The following ASIC2 variants were observed in gnomAD, a reference collection of about 807,000 sequenced individuals.
ASIC2 encodes the protein acid-sensing ion channel 2.
In ASIC2, 25 loss-of-function variants were observed where a neutral mutation model predicts 57.3. The observed-to-expected ratio is 0.44, with a 90% CI of 0.32 to 0.61. The LOEUF is 0.61. ASIC2 is among the 20% of genes least tolerant of loss of function. The pLI, the probability that ASIC2 is intolerant of heterozygous loss-of-function variation, is 0.06. For missense variants in ASIC2, 641 were observed against 738.1 expected, an observed-to-expected ratio of 0.87 and a Z score of 1.52; for synonymous variants, 319 against 307.5, an observed-to-expected ratio of 1.04 and a Z score of -0.39.
At chr17:33,935,766 T>C (rs1916044882) in intron 1 of ASIC2, 1 of 152,270 alleles carries the variant, frequency 6.6e-6, no homozygotes, top group Non-Finnish European at 1.5e-5. Flanking sequence ...AAGCTTGTGC[T>C]GTGCGCTTTA....
chr17:33,323,753 CA>C (rs1052410011), intron 1 of ASIC2, among the ~76,000 whole-genome samples: 4 of 152,120 alleles, frequency 2.6e-5, no homozygotes, highest in Non-Finnish European at 4.4e-5. Context: ...AAACCAGACA[CA>C]AAAGTGTGTG....
At chr17:33,181,907 G>A (rs567915595) in intron 1 of ASIC2, among the ~76,000 whole-genome samples, 38 of 152,318 alleles carry the variant, frequency 2.5e-4, no homozygotes, top group African/African-American at 8.9e-4. Context: ...GAGTGAGGGA[G>A]TGTGTGGCAG....
intron 1 of ASIC2, among the ~76,000 whole-genome samples, chr17:33,857,280 A>T (rs1913985175): frequency 1.3e-5 from 2 of 152,226 alleles, no homozygotes. Context: ...AGTAGAATTA[A>T]AAGTCAGGGT....
chr17:33,879,805 G>A (rs317360), intron 1 of ASIC2, among the ~76,000 whole-genome samples: 41,523 of 152,018 alleles, frequency 0.27, 5,882 homozygotes, highest in Middle Eastern at 0.36. Context: ...AATATACATT[G>A]TTTTCAGCAC....
chr17:33,024,110 G>A, intron 5 of ASIC2, 96 bp from the exon 6 acceptor site: 3 of 1,510,048 alleles, frequency 2.0e-6, no homozygotes, highest in Non-Finnish European at 2.7e-6. Flanking sequence ...GAAATGAGCT[G>A]GGAAGGGGCA....
intron 1 of ASIC2, among the ~76,000 whole-genome samples, chr17:33,737,284 G>A (rs539648382): frequency 2.6e-5 from 4 of 152,334 alleles, no homozygotes; most frequent in South Asian, 2.1e-4. Flanking sequence ...TGTTTTCCAA[G>A]CCACAGCCTT....
At chr17:34,021,725 T>C (rs1003753714) in intron 1 of ASIC2, among the ~76,000 whole-genome samples, 6 of 152,240 alleles carry the variant, frequency 3.9e-5, no homozygotes, top group Admixed American at 1.3e-4. Flanking sequence ...TTAGGTCACA[T>C]AGGGACATCT....
chr17:33,892,896 C>T (rs391201), intron 1 of ASIC2, among the ~76,000 whole-genome samples: 152,247 of 152,248 alleles, frequency 1, 76,123 homozygotes, highest in Non-Finnish European at 1. Flanking sequence ...AGCCAGCTCC[C>T]GTTTGGGAGG....
At chr17:33,021,638 T>C (rs1239984975) in intron 6 of ASIC2, among the ~76,000 whole-genome samples, 1 of 152,182 alleles carries the variant, frequency 6.6e-6, no homozygotes, top group Non-Finnish European at 1.5e-5. Context: ...AACATGAAGG[T>C]GAGTTTCATT....
At chr17:33,043,726 C>T (rs2091938674) in intron 3 of ASIC2, among the ~76,000 whole-genome samples, 1 of 152,158 alleles carries the variant, frequency 6.6e-6, no homozygotes, top group Admixed American at 6.5e-5. Context: ...GACTTCCCCA[C>T]AAGAACAGTA....
intron 1 of ASIC2, among the ~76,000 whole-genome samples, chr17:33,579,128 T>C (rs948156654): frequency 5.3e-5 from 8 of 151,784 alleles, no homozygotes; most frequent in Middle Eastern, 3.2e-3. Flanking sequence ...CTACTAAAAA[T>C]ATAAAACAGT....
intron 1 of ASIC2, among the ~76,000 whole-genome samples, chr17:33,131,404 T>G (rs918956237): frequency 6.6e-6 from 1 of 152,154 alleles, no homozygotes; most frequent in African/African-American, 2.4e-5. Context: ...TGGAAAGCTG[T>G]GTGTTCATAT....
chr17:33,582,470 A>G (rs141741517), intron 1 of ASIC2, among the ~76,000 whole-genome samples: 20 of 152,204 alleles, frequency 1.3e-4, no homozygotes, highest in African/African-American at 4.6e-4. Context: ...CTGGAGTCTG[A>G]GGTCTAATCT....
chr17:34,015,600 A>G (rs1267189800), intron 1 of ASIC2, among the ~76,000 whole-genome samples: 1 of 152,246 alleles, frequency 6.6e-6, no homozygotes, highest in Non-Finnish European at 1.5e-5. Flanking sequence ...TTTTTACAAT[A>G]AGCCCTCATC....
At chr17:33,362,934 T>A (rs759609732) in intron 1 of ASIC2, among the ~76,000 whole-genome samples, 3 of 152,364 alleles carry the variant, frequency 2.0e-5, no homozygotes, top group Middle Eastern at 3.4e-3. Flanking sequence ...CACAAATAAA[T>A]GTTGTCCTAA....
In ASIC2 at chr17:34,030,519, G is replaced by A. The variant is rs114481770; in HGVS notation, c.555+125459C>T. Among the ~76,000 whole-genome samples the A allele has an allele frequency of 7.7e-3, 1,169 of 152,318 alleles. 19 individuals carry two copies. Among genetic ancestry groups the A allele is most frequent in the African/African-American group, 0.027 (1,106 of 41,558 alleles). The stretch of plus-strand genomic sequence containing the variant: ...GCCAGAGAGTAGGTGCAGGACAGTA[G>A]GTGCAGTGCACCGTGCGCGAGCTGA... On this transcript the variant is annotated intron_variant, in intron 1 of 9. Coordinates refer to the ASIC2 transcript ENST00000359872.
chr17:33,540,819 A>C (rs1427288939), intron 1 of ASIC2, among the ~76,000 whole-genome samples: 1 of 152,212 alleles, frequency 6.6e-6, no homozygotes, highest in African/African-American at 2.4e-5. Flanking sequence ...TGAATCTAAC[A>C]CATTTAGGTC....
At chr17:33,289,042 A>G (rs1905309346) in intron 1 of ASIC2, among the ~76,000 whole-genome samples, 1 of 152,178 alleles carries the variant, frequency 6.6e-6, no homozygotes, top group Non-Finnish European at 1.5e-5. Context: ...TGGCTTCTAC[A>G]GACAGAGGGG....
At chr17:33,596,648 C>T (rs1904988406) in intron 1 of ASIC2, among the ~76,000 whole-genome samples, 1 of 152,150 alleles carries the variant, frequency 6.6e-6, no homozygotes, top group Non-Finnish European at 1.5e-5. Flanking sequence ...GACAAGATTT[C>T]AAAGATCCCT....
Sources: gnomAD v4.1 joint callset for allele counts (sites outside exome capture counted in the v4.1 genomes callset) on GRCh38, gnomAD v4.1.1 for gene constraint, MANE v1.5 for transcripts, NCBI Gene and HGNC (gene_info 2026-07-23, HGNC 2026-07-21) for gene names.